The following ARL15 variants were observed in gnomAD, a reference collection of about 807,000 sequenced individuals.
The protein encoded by ARL15 is ARF like GTPase 15.
ARL15 carries 19 observed loss-of-function variants against 25.2 expected under a neutral mutation model. The ratio of observed to expected loss-of-function variants is 0.75; its 90% CI spans 0.53 to 1.10. The LOEUF (loss-of-function observed/expected upper bound fraction) is 1.10. ARL15 is among the 50% of genes least tolerant of loss of function. The pLI is 0.00. For missense variants in ARL15, 220 were observed against 246.0 expected, an observed-to-expected ratio of 0.89 and a Z score of 0.71; for synonymous variants, 94 against 86.8, an observed-to-expected ratio of 1.08 and a Z score of -0.46.
intron 4 of ARL15, among the ~76,000 whole-genome samples, chr5:54,075,300 T>C (rs998290699): frequency 2.0e-5 from 3 of 152,048 alleles, no homozygotes; most frequent in South Asian, 2.1e-4. Context: ...AGAAAACTGA[T>C]ATACTTTCCC....
intron 4 of ARL15, among the ~76,000 whole-genome samples, chr5:53,980,453 T>C (rs188013176): frequency 2.6e-5 from 4 of 152,336 alleles, no homozygotes; most frequent in Admixed American, 2.6e-4. Flanking sequence ...GCCCTGACTT[T>C]AGGCCCCAAT....
At chr5:53,900,461 C>T (rs1745026688) in intron 4 of ARL15, among the ~76,000 whole-genome samples, 1 of 152,070 alleles carries the variant, frequency 6.6e-6, no homozygotes, top group South Asian at 2.1e-4. Flanking sequence ...TGGTGAACTC[C>T]ATTTTCAGTT....
At chr5:54,026,833 G>C (rs534490166) in intron 4 of ARL15, among the ~76,000 whole-genome samples, 1 of 152,200 alleles carries the variant, frequency 6.6e-6, no homozygotes, top group East Asian at 1.9e-4. Context: ...GGCAGGACTG[G>C]GCATTTGAGG....
chr5:54,166,912 G>A (rs1336434867), intron 2 of ARL15, among the ~76,000 whole-genome samples: 1 of 151,930 alleles, frequency 6.6e-6, no homozygotes, highest in African/African-American at 2.4e-5. Context: ...GTTGAGTGAT[G>A]AATATTTTTT....
intron 4 of ARL15, among the ~76,000 whole-genome samples, chr5:53,942,022 CA>C (rs896660825): frequency 6.6e-6 from 1 of 152,026 alleles, no homozygotes; most frequent in African/African-American, 2.4e-5. Flanking sequence ...CGGGCAGGGG[CA>C]AGAATGGAAG....
intron 4 of ARL15, among the ~76,000 whole-genome samples, chr5:53,988,589 C>CT (rs1258921613): frequency 5.3e-5 from 8 of 152,126 alleles, no homozygotes; most frequent in African/African-American, 1.7e-4. Flanking sequence ...GAATCAAGAT[C>CT]TTTAATTTAT....
At chr5:54,218,195 A>C (rs933134408) in intron 1 of ARL15, among the ~76,000 whole-genome samples, 3 of 152,190 alleles carry the variant, frequency 2.0e-5, no homozygotes, top group African/African-American at 7.2e-5. Context: ...CAGATTGGCC[A>C]CGGTTTTACC....
intron 3 of ARL15, among the ~76,000 whole-genome samples, chr5:54,116,695 A>G (rs567993858): frequency 1.3e-5 from 2 of 152,314 alleles, no homozygotes; most frequent in East Asian, 3.9e-4. Flanking sequence ...TGTTTTACGT[A>G]TATTAAATCA....
In ARL15 at chr5:54,113,408, C is replaced by T. The variant is rs750452958; in HGVS notation, c.256G>A (p.Ala86Thr). Residue 86 changes from alanine (A) to threonine (T), a missense_variant and splice_region_variant, in exon 4 of 5, where the codon GCT becomes ACT. By Grantham distance (58) the Ala-to-Thr change is moderately conservative (BLOSUM62 0). Coordinates refer to ENST00000504924, the MANE Select transcript of ARL15 (RefSeq NM_019087.3). ...CTCCAGTATTTCCGGATGTTATCAG[C>T]CCCTGTCAAAAACAAAACAAATTTT... The part of the protein sequence containing the change: ...AILNVKELGG[A>T]DNIRKYWSRY... 9.8e-5 allele frequency: 158 copies of T among 1,610,100 alleles called. No homozygotes were observed. Among genetic ancestry groups the T allele is most frequent in the Non-Finnish European group, 1.3e-4 (154 of 1,178,938 alleles).
In ARL15 at chr5:54,259,866, T is replaced by C. The variant is rs542238573; in HGVS notation, c.48+50566A>G. ...GCCAGCAACTTGATTGTAATACAGA[T>C]ACCCAATATTTTAAGAATCATGGAA... On this transcript the variant is annotated intron_variant, in intron 1 of 4. Coordinates refer to ENST00000504924, the MANE Select transcript of ARL15 (RefSeq NM_019087.3). 1.9e-3 allele frequency among the ~76,000 whole-genome samples: 287 copies of C among 152,272 alleles called. 1 individual carries two copies. Among genetic ancestry groups the C allele is most frequent in the Non-Finnish European group, 3.4e-3 (231 of 68,012 alleles).
intron 1 of ARL15, among the ~76,000 whole-genome samples, chr5:54,223,460 C>T (rs1454039656): frequency 6.6e-6 from 1 of 151,996 alleles, no homozygotes; most frequent in Non-Finnish European, 1.5e-5. Flanking sequence ...GAATGCGATC[C>T]CAGAGTTTCT....
At chr5:53,971,741 A>G (rs897331719) in intron 4 of ARL15, among the ~76,000 whole-genome samples, 4 of 152,222 alleles carry the variant, frequency 2.6e-5, no homozygotes, top group African/African-American at 9.6e-5. Context: ...ACCTACAGCT[A>G]GTATCTGATG....
chr5:54,114,809 G>A (rs978337579), intron 3 of ARL15, among the ~76,000 whole-genome samples: 2 of 151,944 alleles, frequency 1.3e-5, no homozygotes, highest in African/African-American at 4.9e-5. Flanking sequence ...GGCAATATGT[G>A]TGCATGTGTA....
At chr5:54,112,472 G>C (rs1486824751) in intron 4 of ARL15, among the ~76,000 whole-genome samples, 4 of 152,160 alleles carry the variant, frequency 2.6e-5, no homozygotes, top group Non-Finnish European at 5.9e-5. Context: ...TATCCTGAAA[G>C]TTACAAGTAT....
intron 1 of ARL15, among the ~76,000 whole-genome samples, chr5:54,221,892 G>A (rs1400417216): frequency 2.0e-5 from 3 of 151,380 alleles, no homozygotes; most frequent in African/African-American, 7.3e-5. Flanking sequence ...GCACATGTGT[G>A]CATGCACAGT....
intron 1 of ARL15, among the ~76,000 whole-genome samples, chr5:54,206,308 C>T (rs180913362): frequency 1.3e-5 from 2 of 152,192 alleles, no homozygotes; most frequent in African/African-American, 4.8e-5. Flanking sequence ...ACTGAGTGCC[C>T]ACCAGTGCCA....
intron 4 of ARL15, among the ~76,000 whole-genome samples, chr5:54,063,388 G>A (rs1317659366): frequency 2.6e-5 from 4 of 152,272 alleles, no homozygotes; most frequent in Admixed American, 2.0e-4. Context: ...GCTTCCCTGT[G>A]TCCACCAGAG....
intron 4 of ARL15, among the ~76,000 whole-genome samples, chr5:53,890,699 C>T (rs1230403386): frequency 6.6e-6 from 1 of 152,166 alleles, no homozygotes; most frequent in Non-Finnish European, 1.5e-5. Flanking sequence ...CTATTTTAGC[C>T]CTGTCACCAG....
At chr5:54,188,831 CA>C (rs1337781853) in intron 1 of ARL15, among the ~76,000 whole-genome samples, 17 of 152,118 alleles carry the variant, frequency 1.1e-4, no homozygotes, top group Non-Finnish European at 2.9e-5. Flanking sequence ...AAAGCAAATA[CA>C]TAACAAGGCC....
Sources: allele counts gnomAD v4.1 joint callset (sites outside exome capture counted in the v4.1 genomes callset), GRCh38; gene constraint gnomAD v4.1.1; transcripts MANE v1.5; gene names NCBI Gene and HGNC (gene_info 2026-07-23, HGNC 2026-07-21).